Variants in SYCP2L observed in about 807,000 individuals in gnomAD.
The protein encoded by SYCP2L is synaptonemal complex protein 2-like.
A neutral mutation model predicts 125.8 loss-of-function variants in SYCP2L; 98 were observed. That is an observed-to-expected ratio of 0.78 (90% confidence interval 0.66 to 0.92). SYCP2L has a LOEUF of 0.92. SYCP2L is among the 40% of genes least tolerant of loss of function. SYCP2L has a pLI of 0.00. For synonymous variants in SYCP2L, 317 were observed against 325.4 expected, an observed-to-expected ratio of 0.97 and a Z score of 0.28; for missense variants, 842 against 936.4, an observed-to-expected ratio of 0.90 and a Z score of 1.32.
chr6:10,891,611 CTCTGTGTG>C (rs70991069), intron 2 of SYCP2L, 30 bp downstream of exon 2: 12,773 of 128,364 alleles, frequency 0.1, 413 homozygotes, highest in Middle Eastern at 0.14. Flanking sequence ...TATAATCTCT[CTCTGTGTG>C]TGTGTGTGTG....
chr6:10,902,005 A>G (rs1410979473), intron 6 of SYCP2L, among the ~76,000 whole-genome samples: 2 of 152,254 alleles, frequency 1.3e-5, no homozygotes, highest in African/African-American at 4.8e-5. Context: ...CTCAACCAGC[A>G]AATGAAAGCC....
At chr6:10,902,284 C>T (rs986067620) in intron 6 of SYCP2L, among the ~76,000 whole-genome samples, 13 of 152,174 alleles carry the variant, frequency 8.5e-5, no homozygotes, top group South Asian at 2.1e-4. Flanking sequence ...ATCTTTTCCT[C>T]GCTCACTTTC....
chr6:10,926,565 A>G, intron 16 of SYCP2L, 133 bp downstream of exon 16: 1 of 637,482 alleles, frequency 1.6e-6, no homozygotes, highest in Non-Finnish European at 2.8e-6. Flanking sequence ...GAGGAAGAAG[A>G]GTTGCTGATA....
At chr6:10,933,641 A>G (rs1175148957) in intron 20 of SYCP2L, among the ~76,000 whole-genome samples, 1 of 152,178 alleles carries the variant, frequency 6.6e-6, no homozygotes, top group Non-Finnish European at 1.5e-5. Context: ...GGGTCTTACG[A>G]TCTTAGTATT....
rs758728473 is a variant in SYCP2L, at chr6:10,926,361, TCTC to T, written c.1245_1247del (p.Ser416del). The T allele has an allele frequency of 2.5e-6, 4 of 1,613,410 alleles. No individual in the cohort carries two copies. Among genetic ancestry groups the T allele is most frequent in the African/African-American group, 2.7e-5 (2 of 74,796 alleles). ...CAGATGTTGCCTGACCAGACGAAAATCTCCTCAGAACTTTTTAGTAAGTCTGAT... is the reference window on the plus strand; with the variant it reads ...CAGATGTTGCCTGACCAGACGAAAATCTCAGAACTTTTTAGTAAGTCTGAT... On this transcript the variant is annotated inframe_deletion, in exon 16 of 30. Transcript: ENST00000283141.
At chr6:10,936,743 G>A (rs1413312865) in intron 21 of SYCP2L, among the ~76,000 whole-genome samples, 1 of 152,148 alleles carries the variant, frequency 6.6e-6, no homozygotes, top group African/African-American at 2.4e-5. Context: ...AAAGTGAAGG[G>A]TCGGAAAAAG....
At chr6:10,961,199 T>C in intron 26 of SYCP2L, 106 bp from the exon 27 acceptor site, 1 of 853,510 alleles carries the variant, frequency 1.2e-6, no homozygotes, top group South Asian at 1.7e-5. Flanking sequence ...ACAAGAAATG[T>C]CTGGAGAAGA....
Position 10,954,917 on chromosome 6 carries a change from G to C in SYCP2L, c.1955-199G>C, listed in dbSNP as rs1287012463. 6.6e-6 allele frequency among the ~76,000 whole-genome samples: 1 copy of C among 152,184 alleles called. No homozygotes were observed. The highest frequency in any genetic ancestry group is 1.5e-5 in the Non-Finnish European group (1 of 68,042). ...ATGTAACTGAGCTCATCAAAGGGAT[G>C]CCTGTTCCCATGTTCAGGTATCAGT... On this transcript the variant is annotated intron_variant, in intron 23 of 29. Coordinates refer to ENST00000283141, the MANE Select transcript of SYCP2L (RefSeq NM_001040274.3). This position sits in a 1 kb window ranked among gnomAD's most constrained non-coding sequence, Gnocchi z 4.8.
At chr6:10,906,628 G>A (rs1235708204) in intron 9 of SYCP2L, among the ~76,000 whole-genome samples, 1 of 142,546 alleles carries the variant, frequency 7.0e-6, no homozygotes, top group East Asian at 2.1e-4. Context: ...ATGGAGTTTT[G>A]CCCTTGTTGG....
intron 14 of SYCP2L, among the ~76,000 whole-genome samples, chr6:10,917,958 G>A (rs1160756032): frequency 1.3e-5 from 2 of 152,014 alleles, no homozygotes; most frequent in Non-Finnish European, 2.9e-5. Flanking sequence ...TGTTTGAGGA[G>A]GCTGAAGATA....
chr6:10,967,141 GA>G (rs1781695483), intron 29 of SYCP2L, among the ~76,000 whole-genome samples: 1 of 151,836 alleles, frequency 6.6e-6, no homozygotes, highest in South Asian at 2.1e-4. Flanking sequence ...CATAATTAAA[GA>G]AATTAAATTG....
At chr6:10,938,284 A>G (rs1781138857) in intron 21 of SYCP2L, among the ~76,000 whole-genome samples, 1 of 152,248 alleles carries the variant, frequency 6.6e-6, no homozygotes, top group Non-Finnish European at 1.5e-5. Context: ...GTGATAAACC[A>G]CATTAAGAGA....
At chr6:10,887,178 T>TAGGGCGCGCG (rs764144243) in intron 1 of SYCP2L, 43 bp downstream of exon 1, 22 of 1,611,522 alleles carry the variant, frequency 1.4e-5, no homozygotes, top group African/African-American at 4.0e-5. Context: ...TCCACAGTGC[T>TAGGGCGCGCG]AGGGCGCGCG....
In SYCP2L at chr6:10,910,324, A is replaced by G. The variant is rs1222883062; in HGVS notation, c.872+124A>G. 3.4e-6 allele frequency: 3 copies of G among 876,154 alleles called. No individual in the cohort carries two copies. In the African/African-American group the frequency reaches 5.1e-5, roughly 15 times the overall value. 54.3% of individuals were successfully genotyped at this position (876,154 alleles called of 1,614,324 possible). On this transcript the variant is annotated intron_variant, in intron 11 of 29. Transcript: ENST00000283141. ...ATTGGGTACATCATTTACAGAGTATACTGAGTTGTCCATTGAGTGGAAACC... is the reference window on the plus strand; with the variant it reads ...ATTGGGTACATCATTTACAGAGTATGCTGAGTTGTCCATTGAGTGGAAACC...
chr6:10,945,366 A>G (rs1373334053), intron 23 of SYCP2L, among the ~76,000 whole-genome samples: 2 of 152,132 alleles, frequency 1.3e-5, no homozygotes, highest in East Asian at 1.9e-4. Flanking sequence ...TACTTATTCT[A>G]TCAAGTGCTG....
In SYCP2L at chr6:10,969,462, G is replaced by A. The variant is rs148111202; in HGVS notation, c.*38-4490G>A. ...TGCAAGCTCCGCCTCCTGAGTTCACGCCATTCTCCAGCCTCAGCCTCCCGA... is the reference window on the plus strand; with the variant it reads ...TGCAAGCTCCGCCTCCTGAGTTCACACCATTCTCCAGCCTCAGCCTCCCGA... On this transcript the variant is annotated intron_variant, in intron 29 of 29. Coordinates refer to ENST00000283141, the MANE Select transcript of SYCP2L (RefSeq NM_001040274.3). Among the ~76,000 whole-genome samples the A allele has an allele frequency of 5.2e-3, 772 of 148,296 alleles. 6 individuals are homozygous for A. Among genetic ancestry groups the A allele is most frequent in the African/African-American group, 0.018 (735 of 40,180 alleles).
At chr6:10,963,024 A>G (rs993519982) in intron 28 of SYCP2L, among the ~76,000 whole-genome samples, 2 of 152,212 alleles carry the variant, frequency 1.3e-5, no homozygotes, top group African/African-American at 2.4e-5. Flanking sequence ...ACTAGAGATT[A>G]TATCCCCTAG....
At chr6:10,937,482 A>G (rs1012315710) in intron 21 of SYCP2L, among the ~76,000 whole-genome samples, 20 of 152,204 alleles carry the variant, frequency 1.3e-4, no homozygotes, top group Admixed American at 1.3e-3. Context: ...ACCTTAAGAA[A>G]AAAGGAAAAT....
At chr6:10,909,380 G>A (rs970333337) in intron 10 of SYCP2L, among the ~76,000 whole-genome samples, 1 of 151,868 alleles carries the variant, frequency 6.6e-6, no homozygotes, top group African/African-American at 2.4e-5. Flanking sequence ...TGCCCGCCTC[G>A]GCCTCCCAAA....
Sources: gnomAD v4.1 joint callset for allele counts (sites outside exome capture counted in the v4.1 genomes callset) on GRCh38, gnomAD v4.1.1 for gene constraint, Gnocchi (gnomAD v3.1) non-coding constraint, MANE v1.5 for transcripts, NCBI Gene and HGNC (gene_info 2026-07-23, HGNC 2026-07-21) for gene names.